Variants in SORCS2 observed in about 807,000 individuals in gnomAD.
The protein encoded by SORCS2 is VPS10 domain-containing receptor SorCS2.
A neutral mutation model predicts 141.6 loss-of-function variants in SORCS2; 100 were observed. That is an observed-to-expected ratio of 0.71 (90% CI 0.60 to 0.83). The LOEUF is 0.83. SORCS2 is among the 40% of genes least tolerant of loss of function. SORCS2 has a pLI of 0.00. For missense variants in SORCS2, 1,646 were observed against 1,560.2 expected (o/e 1.05, Z -0.93); for synonymous variants, 789 against 676.9 (o/e 1.17, Z -2.57).
chr4:7,667,189 G>A lies in SORCS2; in HGVS notation c.1137G>A (p.Lys379=), dbSNP rs1409713256. ...GTCGAAATGAATTTGTCCTGATGAA[G>A]CTGCCGAAGTATGCATTGCCAAAGG... ...SYRRNEFVLM[K]LPKYALPKDL... Residue 379 remains lysine, a synonymous_variant, in exon 8 of 27, where the codon AAG becomes AAA. Coordinates refer to ENST00000507866, the MANE Select transcript of SORCS2 (RefSeq NM_020777.3). 1 of 1,613,718 alleles carries A rather than the reference G, an allele frequency of 6.2e-7. No individual in the cohort carries two copies. Among genetic ancestry groups the A allele is most frequent in the Non-Finnish European group, 8.5e-7 (1 of 1,179,782 alleles).
chr4:7,290,895 C>CCTGG (rs1451843633), intron 1 of SORCS2, among the ~76,000 whole-genome samples: 3 of 151,684 alleles, frequency 2.0e-5, no homozygotes, highest in South Asian at 2.1e-4. Context: ...AGACATAGTC[C>CCTGG]CTGGCTGGCT....
At chr4:7,672,241 C>A (rs970993707) in intron 8 of SORCS2, among the ~76,000 whole-genome samples, 4 of 152,096 alleles carry the variant, frequency 2.6e-5, no homozygotes, top group Admixed American at 1.3e-4. Context: ...CCATGCCTGG[C>A]AAAAAGTCAG....
chr4:7,379,595 T>C (rs982368897), intron 1 of SORCS2, among the ~76,000 whole-genome samples: 3 of 152,190 alleles, frequency 2.0e-5, no homozygotes, highest in Non-Finnish European at 2.9e-5. Flanking sequence ...GACACGCGGA[T>C]ACTATGGGTG....
At chr4:7,416,714 GCA>G (rs1185014487) in intron 2 of SORCS2, among the ~76,000 whole-genome samples, 9 of 56,596 alleles carry the variant, frequency 1.6e-4, no homozygotes, top group Admixed American at 6.5e-4. Flanking sequence ...TCACACTTGT[GCA>G]CACACTCAGA....
intron 3 of SORCS2, among the ~76,000 whole-genome samples, chr4:7,532,422 C>A (rs2109548610): frequency 6.6e-6 from 1 of 152,380 alleles, no homozygotes; most frequent in African/African-American, 2.4e-5. Flanking sequence ...CCCAGAGCCC[C>A]TGCATGATGC....
chr4:7,456,602 G>A (rs1381945574), intron 2 of SORCS2, among the ~76,000 whole-genome samples: 1 of 152,168 alleles, frequency 6.6e-6, no homozygotes, highest in African/African-American at 2.4e-5. Context: ...GGTGGCTTCT[G>A]TGACCAGCAG....
intron 26 of SORCS2, among the ~76,000 whole-genome samples, chr4:7,738,656 G>A (rs1712398410): frequency 6.6e-6 from 1 of 152,188 alleles, no homozygotes; most frequent in South Asian, 2.1e-4. Context: ...TGATGATCCG[G>A]CTTCGAGCGT....
chr4:7,387,813 GA>G (rs1723531631), intron 1 of SORCS2, among the ~76,000 whole-genome samples: 5 of 48,728 alleles, frequency 1.0e-4, no homozygotes, highest in South Asian at 1.3e-3. Context: ...TGCACACACA[GA>G]TACAGAGATA....
At chr4:7,369,566 C>T (rs1722120622) in intron 1 of SORCS2, among the ~76,000 whole-genome samples, 1 of 152,172 alleles carries the variant, frequency 6.6e-6, no homozygotes, top group Non-Finnish European at 1.5e-5. Context: ...ACCCCGGAGA[C>T]CCTGTTTGGA....
intron 1 of SORCS2, among the ~76,000 whole-genome samples, chr4:7,349,475 C>T (rs529403655): frequency 1.5e-3 from 228 of 152,166 alleles, no homozygotes; most frequent in African/African-American, 5.2e-3. Flanking sequence ...ATCCCCAGGC[C>T]CTGGAGAGGC....
chr4:7,634,632 T>G (rs1040825258), intron 3 of SORCS2, among the ~76,000 whole-genome samples: 8 of 152,216 alleles, frequency 5.3e-5, no homozygotes, highest in Non-Finnish European at 1.0e-4. Flanking sequence ...ATCATAGATG[T>G]GGCTCTTCCA....
intron 2 of SORCS2, among the ~76,000 whole-genome samples, chr4:7,496,361 G>C (rs1302375287): frequency 6.6e-6 from 1 of 151,994 alleles, no homozygotes; most frequent in Non-Finnish European, 1.5e-5. Flanking sequence ...CTGACTCCAA[G>C]GCCCTTGCGC....
intron 1 of SORCS2, chr4:7,381,843 G>A (rs1399608205): frequency 1.1e-6 from 1 of 945,298 alleles, no homozygotes; most frequent in South Asian, 4.9e-5. Context: ...GGGCCAGAGA[G>A]CCTTAGGCTC....
rs1712633334 is a variant in SORCS2 at position 7,741,084 on chromosome 4, C to T, written c.*820C>T. 2 of 398,748 alleles carry T rather than the reference C, an allele frequency of 5.0e-6. No individual in the cohort carries two copies. The highest frequency in any genetic ancestry group is 8.8e-6 in the Non-Finnish European group (2 of 226,214). The allele number at this position is 398,748 out of a possible 1,614,324, so 24.7% of individuals were successfully genotyped here. A position where few individuals can be genotyped will look rare whatever the true frequency, so the allele number is the denominator to read the frequency against. ...AGCAGCACCATCCCGCAGGCTTCTC[C>T]CACCTGATGGCTGTTCTCCCACCGG... On this transcript the variant is annotated 3_prime_UTR_variant, in exon 27 of 27. Coordinates refer to ENST00000507866, the MANE Select transcript of SORCS2 (RefSeq NM_020777.3).
intron 1 of SORCS2, among the ~76,000 whole-genome samples, chr4:7,238,142 G>T (rs536950653): frequency 2.0e-5 from 3 of 152,248 alleles, no homozygotes; most frequent in Non-Finnish European, 4.4e-5. Context: ...TGCAGAGGCC[G>T]AATGACATGA....
chr4:7,257,257 C>A (rs572573862), intron 1 of SORCS2, among the ~76,000 whole-genome samples: 6 of 151,422 alleles, frequency 4.0e-5, no homozygotes, highest in Non-Finnish European at 8.8e-5. Flanking sequence ...AGGTGAGGCT[C>A]GTGTGCCTGG....
chr4:7,582,917 C>T (rs1421755447), intron 3 of SORCS2, among the ~76,000 whole-genome samples: 1 of 152,160 alleles, frequency 6.6e-6, no homozygotes, highest in African/African-American at 2.4e-5. Flanking sequence ...ATTGGCTTCT[C>T]TTGGGTCAGA....
intron 1 of SORCS2, among the ~76,000 whole-genome samples, chr4:7,312,475 G>A (rs1321279953): frequency 2.7e-5 from 4 of 145,830 alleles, no homozygotes; most frequent in Non-Finnish European, 6.2e-5. Flanking sequence ...TTTCTGTTCT[G>A]TTTCTCATCC....
intron 3 of SORCS2, among the ~76,000 whole-genome samples, chr4:7,597,362 AGGG>A (rs1292689710): frequency 1.0e-4 from 13 of 126,614 alleles, no homozygotes; most frequent in Non-Finnish European, 2.1e-4. Flanking sequence ...GAAATGAGAG[AGGG>A]GGCTGTGCAA....
Sources: allele counts gnomAD v4.1 joint callset (sites outside exome capture counted in the v4.1 genomes callset), GRCh38; gene constraint gnomAD v4.1.1; transcripts MANE v1.5; gene names NCBI Gene and HGNC (gene_info 2026-07-23, HGNC 2026-07-21).